Variants in ZDHHC15 observed in about 807,000 individuals in gnomAD.
ZDHHC15 encodes the protein zDHHC palmitoyltransferase 15, also known as palmitoyltransferase ZDHHC15.
ZDHHC15 carries 19 observed loss-of-function variants against 31.7 expected under a neutral mutation model. The ratio of observed to expected loss-of-function variants is 0.60; its 90% CI spans 0.42 to 0.88. ZDHHC15 has a LOEUF of 0.88. Among genes scored for constraint, ZDHHC15 ranks in the 40% least tolerant of loss-of-function variants. ZDHHC15 has a pLI of 0.00. For missense variants in ZDHHC15, 209 were observed against 251.2 expected (o/e 0.83, Z 1.14); for synonymous variants, 103 against 90.0 (o/e 1.14, Z -0.82).
intron 10 of ZDHHC15, among the ~76,000 whole-genome samples, chrX:75,415,150 A>G (rs1271623869): frequency 1.5e-4 from 17 of 111,816 alleles, no homozygotes; most frequent in Non-Finnish European, 2.8e-4. Flanking sequence ...CCTAAAAGAA[A>G]TTAACTTAAA....
At chrX:75,431,614 G>A (rs1324675798) in intron 4 of ZDHHC15, 94 bp from the exon 5 acceptor site, 5 of 692,434 alleles carry the variant, frequency 7.2e-6, no homozygotes, top group Middle Eastern at 3.4e-4. Context: ...GTTATGCACT[G>A]ATTATAGATA....
At chrX:75,470,856 C>G (rs1047389689) in intron 3 of ZDHHC15, among the ~76,000 whole-genome samples, 41 of 111,585 alleles carry the variant, frequency 3.7e-4, no homozygotes, top group East Asian at 5.7e-4. Context: ...CAAATGGAAG[C>G]CATTAGAGCT....
chrX:75,390,773 A>C (rs2083234613), intron 10 of ZDHHC15, among the ~76,000 whole-genome samples: 1 of 111,761 alleles, frequency 8.9e-6, no homozygotes, highest in Non-Finnish European at 1.9e-5. Flanking sequence ...CAGACTGTGA[A>C]GACAACAATA....
intron 2 of ZDHHC15, among the ~76,000 whole-genome samples, chrX:75,480,953 T>A (rs1414785295): frequency 9.0e-6 from 1 of 111,529 alleles, no homozygotes; most frequent in Non-Finnish European, 1.9e-5. Flanking sequence ...TCATCATCAA[T>A]AAGTGAGAGC....
chrX:75,421,794 A>G, intron 9 of ZDHHC15, 70 bp downstream of exon 9: 6 of 1,132,695 alleles, frequency 5.3e-6, no homozygotes, highest in Non-Finnish European at 7.1e-6. Context: ...GCATACTACA[A>G]TCAAAATTGA....
At chrX:75,484,693 G>A (rs1426166765) in intron 2 of ZDHHC15, among the ~76,000 whole-genome samples, 4 of 111,862 alleles carry the variant, frequency 3.6e-5, no homozygotes, top group Non-Finnish European at 7.5e-5. Context: ...CTTACCATAT[G>A]ACCCAAGAAT....
chrX:75,517,600 G>T (rs1238632597), intron 1 of ZDHHC15, among the ~76,000 whole-genome samples: 5 of 76,702 alleles, frequency 6.5e-5, no homozygotes, highest in African/African-American at 1.9e-4. Context: ...GGTGGGGGGA[G>T]GGGGGAGGGA....
rs778444215 is a variant in ZDHHC15, at chrX:75,493,528, C to T, written c.163+12293G>A. On this transcript the variant is annotated intron_variant, in intron 2 of 11. Coordinates refer to ENST00000373367, the MANE Select transcript of ZDHHC15 (RefSeq NM_144969.3). ...CCTTGATGAACATCCATGCAAAAAT[C>T]CTCAGTAAAATACTGGCAAATGGAA... 4.1e-4 allele frequency among the ~76,000 whole-genome samples: 46 copies of T among 111,851 alleles called. 1 individual carries two copies. The highest frequency in any genetic ancestry group is 3.3e-3 in the Admixed American group (35 of 10,563).
At chrX:75,472,979 C>G (rs762762097) in intron 3 of ZDHHC15, among the ~76,000 whole-genome samples, 2 of 112,267 alleles carry the variant, frequency 1.8e-5, no homozygotes, top group African/African-American at 6.5e-5. Context: ...GGAATAGATA[C>G]TGACTCCGAA....
intron 1 of ZDHHC15, among the ~76,000 whole-genome samples, chrX:75,521,624 G>C (rs1602785806): frequency 9.0e-6 from 1 of 110,596 alleles, no homozygotes; most frequent in Non-Finnish European, 1.9e-5. Context: ...TGACAGGACA[G>C]GGTAAAAAAA....
chrX:75,495,017 G>T (rs1251731881), intron 2 of ZDHHC15, among the ~76,000 whole-genome samples: 18 of 111,120 alleles, frequency 1.6e-4, no homozygotes, highest in African/African-American at 5.9e-4. Context: ...TGGGAGAAAA[G>T]TTTTGCAATA....
At chrX:75,383,053 T>A (rs1439120020) in intron 10 of ZDHHC15, among the ~76,000 whole-genome samples, 2 of 111,480 alleles carry the variant, frequency 1.8e-5, no homozygotes, top group Non-Finnish European at 3.8e-5. Context: ...CCTTAAAAGA[T>A]CTATAAACTG....
intron 4 of ZDHHC15, among the ~76,000 whole-genome samples, chrX:75,438,868 A>G (rs2083899728): frequency 8.9e-6 from 1 of 112,291 alleles, no homozygotes; most frequent in Non-Finnish European, 1.9e-5. Flanking sequence ...AAATTATCTC[A>G]GCATTTTTTT....
At chrX:75,421,827 C>G (rs772442808) in intron 9 of ZDHHC15, 37 bp downstream of exon 9, 4 of 1,200,130 alleles carry the variant, frequency 3.3e-6, no homozygotes, top group East Asian at 3.0e-5. Context: ...AAGGCAGGGT[C>G]CAGTACTAAC....
intron 10 of ZDHHC15, among the ~76,000 whole-genome samples, chrX:75,385,001 G>A (rs947421578): frequency 8.9e-6 from 1 of 112,052 alleles, no homozygotes; most frequent in Admixed American, 9.4e-5. Flanking sequence ...TGAGGTAGAA[G>A]GCATGAATTT....
intron 3 of ZDHHC15, among the ~76,000 whole-genome samples, chrX:75,467,840 C>T (rs760305638): frequency 1.8e-5 from 2 of 111,349 alleles, no homozygotes; most frequent in East Asian, 2.8e-4. Context: ...ACCATTACCG[C>T]TATCTAGTTC....
intron 10 of ZDHHC15, among the ~76,000 whole-genome samples, chrX:75,416,109 G>T (rs1360384352): frequency 8.9e-6 from 1 of 111,961 alleles, no homozygotes; most frequent in Non-Finnish European, 1.9e-5. Flanking sequence ...CTTTGGGATG[G>T]ACAATAACTG....
At chrX:75,425,606 G>T (rs913459366) in intron 7 of ZDHHC15, among the ~76,000 whole-genome samples, 3 of 112,227 alleles carry the variant, frequency 2.7e-5, no homozygotes, top group African/African-American at 9.7e-5. Flanking sequence ...GGAGTGAATA[G>T]TTGGGGGAAT....
chrX:75,405,722 G>A (rs1020462299), intron 10 of ZDHHC15, among the ~76,000 whole-genome samples: 1 of 111,601 alleles, frequency 9.0e-6, no homozygotes, highest in African/African-American at 3.3e-5. Flanking sequence ...TAACAGTAGG[G>A]CAGTTTAACA....
Sources: gnomAD v4.1 joint callset for allele counts (sites outside exome capture counted in the v4.1 genomes callset) on GRCh38, gnomAD v4.1.1 for gene constraint, MANE v1.5 for transcripts, NCBI Gene and HGNC (gene_info 2026-07-23, HGNC 2026-07-21) for gene names.